Variants in CBFB observed in about 807,000 individuals in gnomAD.
CBFB encodes the protein CBF-beta.
Under a neutral mutation model 30.4 loss-of-function variants are expected in CBFB, and 9 were observed. That is an observed-to-expected ratio of 0.30 (90% CI 0.18 to 0.52). CBFB has a LOEUF of 0.52. CBFB is among the 20% of genes least tolerant of loss of function. The pLI is 0.97. For missense variants in CBFB, 170 were observed against 244.0 expected, an observed-to-expected ratio of 0.70 and a Z score of 2.02; for synonymous variants, 94 against 84.0, an observed-to-expected ratio of 1.12 and a Z score of -0.65.
intron 2 of CBFB, among the ~76,000 whole-genome samples, chr16:67,034,196 A>C (rs1966404863): frequency 1.3e-5 from 2 of 152,198 alleles, no homozygotes; most frequent in African/African-American, 4.8e-5. Flanking sequence ...CAAATAAAGA[A>C]AAAATATTTA....
At chr16:67,066,970 A>T (rs754976381) in intron 4 of CBFB, 172 bp downstream of exon 4, 5 of 452,318 alleles carry the variant, frequency 1.1e-5, no homozygotes, top group Non-Finnish European at 2.0e-5. Flanking sequence ...TGATTTTGGG[A>T]AAGTTTTTTC....
chr16:67,038,310 G>A (rs1394382869), intron 3 of CBFB, among the ~76,000 whole-genome samples: 4 of 149,556 alleles, frequency 2.7e-5, no homozygotes, highest in African/African-American at 9.8e-5. Context: ...ACGTATATAT[G>A]TGTATATATA....
chr16:67,036,837 T>G (rs1038946975), intron 3 of CBFB, 82 bp downstream of exon 3: 4 of 825,182 alleles, frequency 4.8e-6, no homozygotes, highest in Non-Finnish European at 8.6e-6. Flanking sequence ...TTAATAAAGA[T>G]CACAGATCTG....
chr16:67,098,373 A>G (rs1313724775), intron 5 of CBFB, among the ~76,000 whole-genome samples: 3 of 151,986 alleles, frequency 2.0e-5, no homozygotes, highest in Non-Finnish European at 4.4e-5. Context: ...CTGACCTCAA[A>G]TGATCTGCCC....
intron 3 of CBFB, among the ~76,000 whole-genome samples, chr16:67,051,450 T>C (rs911398218): frequency 6.6e-6 from 1 of 151,930 alleles, no homozygotes; most frequent in African/African-American, 2.4e-5. Context: ...ATCCAAAATA[T>C]ATATCCAAAA....
chr16:67,058,709 A>G (rs906237990), intron 3 of CBFB, among the ~76,000 whole-genome samples: 9 of 152,202 alleles, frequency 5.9e-5, no homozygotes, highest in African/African-American at 1.7e-4. Context: ...CTGTTCTTCT[A>G]TTAATCAGTA....
chr16:67,058,961 G>A (rs916116345), intron 3 of CBFB, among the ~76,000 whole-genome samples: 4 of 152,182 alleles, frequency 2.6e-5, no homozygotes, highest in African/African-American at 9.7e-5. Flanking sequence ...CAGTACTGAT[G>A]TGCATGGGGG....
intron 4 of CBFB, 86 bp downstream of exon 4, chr16:67,066,884 A>G: frequency 1.4e-6 from 1 of 713,488 alleles, no homozygotes; most frequent in Non-Finnish European, 2.5e-6. Flanking sequence ...CCCAATTTTT[A>G]AGAGTAAGTA....
chr16:67,065,873 T>TA (rs1961037160), intron 3 of CBFB, among the ~76,000 whole-genome samples: 1 of 152,068 alleles, frequency 6.6e-6, no homozygotes, highest in Non-Finnish European at 1.5e-5. Flanking sequence ...AAGTAAAAAA[T>TA]AAATAAATAA....
At chr16:67,091,965 C>T (rs1961897063) in intron 5 of CBFB, among the ~76,000 whole-genome samples, 1 of 152,126 alleles carries the variant, frequency 6.6e-6, no homozygotes, top group African/African-American at 2.4e-5. Context: ...CCTCCACCTC[C>T]CGGGTTCAAG....
chr16:67,055,032 G>A (rs1206857470), intron 3 of CBFB, among the ~76,000 whole-genome samples: 3 of 151,126 alleles, frequency 2.0e-5, no homozygotes, highest in Non-Finnish European at 2.9e-5. Flanking sequence ...CTTGTTTATC[G>A]GGTACATTTT....
chr16:67,030,014 CGCGGTGGCG>C, intron 2 of CBFB: 1 of 460,252 alleles, frequency 2.2e-6, no homozygotes, highest in Non-Finnish European at 3.8e-6. Flanking sequence ...TGGGGCTCGC[CGCGGTGGCG>C]CGTGTCGGCC....
At chr16:67,067,803 T>C (rs1483814865) in intron 4 of CBFB, among the ~76,000 whole-genome samples, 3 of 152,158 alleles carry the variant, frequency 2.0e-5, no homozygotes, top group Admixed American at 1.3e-4. Flanking sequence ...TTGCTAACAG[T>C]CTGGCAAAGC....
intron 3 of CBFB, among the ~76,000 whole-genome samples, chr16:67,045,420 G>A (rs28609443): frequency 6.6e-6 from 1 of 152,106 alleles, no homozygotes; most frequent in Non-Finnish European, 1.5e-5. Context: ...GGGAGACTGA[G>A]GCAGGAGAAT....
chr16:67,089,706 T>TGG (rs1169392664), intron 5 of CBFB, among the ~76,000 whole-genome samples: 1 of 152,148 alleles, frequency 6.6e-6, no homozygotes, highest in African/African-American at 2.4e-5. Context: ...CGGAACCCAG[T>TGG]GGGTGGCAGA....
intron 3 of CBFB, among the ~76,000 whole-genome samples, chr16:67,045,682 G>A (rs2145724421): frequency 6.6e-6 from 1 of 152,138 alleles, no homozygotes; most frequent in South Asian, 2.1e-4. Flanking sequence ...GTGTAAAGGT[G>A]AAATTCTCTT....
intron 4 of CBFB, among the ~76,000 whole-genome samples, chr16:67,077,096 A>G (rs1398023100): frequency 6.6e-6 from 1 of 152,210 alleles, no homozygotes; most frequent in Non-Finnish European, 1.5e-5. Flanking sequence ...TTCAATGAGA[A>G]TGTTATTTTC....
At chr16:67,042,598 G>T (rs1364890958) in intron 3 of CBFB, among the ~76,000 whole-genome samples, 1 of 151,894 alleles carries the variant, frequency 6.6e-6, no homozygotes, top group Non-Finnish European at 1.5e-5. Flanking sequence ...TCATGAGGTT[G>T]CAGTCAAGCT....
chr16:67,030,156 A>C, intron 2 of CBFB: 1 of 226,486 alleles, frequency 4.4e-6, no homozygotes, highest in Non-Finnish European at 8.4e-6. Flanking sequence ...CATTCGGAAA[A>C]AGAAGTGGAG....
Sources: allele counts gnomAD v4.1 joint callset (sites outside exome capture counted in the v4.1 genomes callset), GRCh38; gene constraint gnomAD v4.1.1; transcripts MANE v1.5; gene names NCBI Gene and HGNC (gene_info 2026-07-23, HGNC 2026-07-21).